The following FILIP1L variants were observed in gnomAD, a reference collection of about 807,000 sequenced individuals.
FILIP1L encodes filamin A-interacting protein 1-like.
In FILIP1L, 55 loss-of-function variants were observed where a neutral mutation model predicts 96.6. The observed-to-expected ratio is 0.57, with a 90% confidence interval of 0.46 to 0.71. The LOEUF (loss-of-function observed/expected upper bound fraction) is 0.71. Ranked by LOEUF, FILIP1L falls within the 30% of genes least tolerant of loss-of-function variation. The pLI, the probability that FILIP1L is intolerant of heterozygous loss-of-function variation, is 0.00. For missense variants in FILIP1L, 1,304 were observed against 1,321.2 expected (o/e 0.99, Z 0.20); for synonymous variants, 467 against 473.9 (o/e 0.99, Z 0.19).
chr3:100,010,245 T>C (rs1479580874), intron 1 of FILIP1L: 2 of 465,356 alleles, frequency 4.3e-6, no homozygotes, highest in East Asian at 1.5e-4. Context: ...CAGTATGTTT[T>C]TCCCCCCACA....
At chr3:99,958,992 C>T (rs1296556666) in intron 1 of FILIP1L, among the ~76,000 whole-genome samples, 2 of 151,996 alleles carry the variant, frequency 1.3e-5, no homozygotes, top group Non-Finnish European at 2.9e-5. Flanking sequence ...AATTATCATG[C>T]CTTGGTAACT....
At chr3:100,101,011 A>T (rs1388323082) in intron 1 of FILIP1L, among the ~76,000 whole-genome samples, 1 of 152,168 alleles carries the variant, frequency 6.6e-6, no homozygotes, top group East Asian at 1.9e-4. Context: ...GTGGCATCTC[A>T]CTTGCATGCA....
intron 4 of FILIP1L, among the ~76,000 whole-genome samples, chr3:99,890,812 C>T (rs1472158362): frequency 6.6e-6 from 1 of 151,726 alleles, no homozygotes; most frequent in Non-Finnish European, 1.5e-5. Flanking sequence ...TCTGATTCTG[C>T]CATTTAATGT....
chr3:100,027,156 C>A (rs1199542360), intron 1 of FILIP1L, among the ~76,000 whole-genome samples: 1 of 152,126 alleles, frequency 6.6e-6, no homozygotes, highest in Non-Finnish European at 1.5e-5. Context: ...TCCTTCCTCT[C>A]CACCTTCTCT....
At chr3:100,011,170 G>T (rs1710145357) in intron 1 of FILIP1L, among the ~76,000 whole-genome samples, 1 of 152,086 alleles carries the variant, frequency 6.6e-6, no homozygotes, top group Non-Finnish European at 1.5e-5. Context: ...AATGGTTCTG[G>T]ATCTTTCATT....
intron 1 of FILIP1L, among the ~76,000 whole-genome samples, chr3:100,081,404 C>CAT (rs1268569197): frequency 6.6e-6 from 1 of 152,202 alleles, no homozygotes; most frequent in Non-Finnish European, 1.5e-5. Context: ...AGCCCACTGT[C>CAT]ATACTCTTAA....
At position 99,961,247 on chromosome 3, in the gene FILIP1L, T is replaced by A. The variant is rs140463078; in HGVS notation, c.-10-30217A>T. 4.2e-3 allele frequency among the ~76,000 whole-genome samples: 634 copies of A among 152,332 alleles called. 4 individuals are homozygous for A. The highest frequency in any genetic ancestry group is 0.015 in the African/African-American group (605 of 41,580). On this transcript the variant is annotated intron_variant, in intron 1 of 5. Coordinates refer to ENST00000477258, the MANE Select transcript of FILIP1L (RefSeq NM_001387850.1). ...GATCCGGACTTGCCTCTTGCAGGTG[T>A]TATCCCCTGTGTTGGAATGCTGGGT...
At chr3:100,056,831 C>T (rs993218669) in intron 1 of FILIP1L, among the ~76,000 whole-genome samples, 6 of 151,938 alleles carry the variant, frequency 3.9e-5, no homozygotes, top group African/African-American at 1.2e-4. Context: ...AGTGAAACCC[C>T]GTCTCTACTA....
chr3:100,020,760 C>CTTTTTTTT (rs34665880), intron 1 of FILIP1L, among the ~76,000 whole-genome samples: 21 of 71,008 alleles, frequency 3.0e-4, no homozygotes, highest in East Asian at 1.4e-3. Flanking sequence ...GAATAATTAG[C>CTTTTTTTT]TTTTTTTTTT....
intron 5 of FILIP1L, among the ~76,000 whole-genome samples, chr3:99,841,772 A>T (rs1312158846): frequency 6.6e-6 from 1 of 152,178 alleles, no homozygotes; most frequent in African/African-American, 2.4e-5. Context: ...GCAAATCAAA[A>T]CCACAGTGCA....
intron 1 of FILIP1L, among the ~76,000 whole-genome samples, chr3:99,966,735 T>G (rs888031473): frequency 6.6e-6 from 1 of 152,202 alleles, no homozygotes; most frequent in South Asian, 2.1e-4. Flanking sequence ...TGTGTCAGAT[T>G]TGAAAAATCA....
chr3:99,881,033 G>C (rs1022876797), intron 4 of FILIP1L, among the ~76,000 whole-genome samples: 3 of 152,150 alleles, frequency 2.0e-5, no homozygotes, highest in Non-Finnish European at 2.9e-5. Context: ...ACTACTGCCT[G>C]TTGGCCCCCT....
chr3:99,953,528 C>T (rs534458882), intron 1 of FILIP1L, among the ~76,000 whole-genome samples: 13 of 152,252 alleles, frequency 8.5e-5, no homozygotes, highest in Admixed American at 2.6e-4. Context: ...TTTCATGCCA[C>T]GTTGGACCAT....
At chr3:99,870,027 T>C (rs1353689776) in intron 4 of FILIP1L, among the ~76,000 whole-genome samples, 1 of 152,254 alleles carries the variant, frequency 6.6e-6, no homozygotes, top group Non-Finnish European at 1.5e-5. Context: ...CCTCATTTTC[T>C]TTAGCTAATT....
chr3:99,922,861 C>T (rs1707167479), intron 4 of FILIP1L, among the ~76,000 whole-genome samples: 1 of 152,202 alleles, frequency 6.6e-6, no homozygotes, highest in Non-Finnish European at 1.5e-5. Flanking sequence ...TAAGCTTCTA[C>T]ATTCTTATTT....
chr3:99,955,543 T>C (rs545053507), intron 1 of FILIP1L, among the ~76,000 whole-genome samples: 1 of 152,318 alleles, frequency 6.6e-6, no homozygotes, highest in South Asian at 2.1e-4. Context: ...CCAGCAATGC[T>C]TGAGAACTCT....
In FILIP1L at chr3:99,858,070, C is replaced by A. The variant is rs78246883; in HGVS notation, c.606-7000G>T. On this transcript the variant is annotated intron_variant, in intron 4 of 5. Transcript: ENST00000477258. ...GTTCGTAACCTTTTAGGTCTCATGA[C>A]CCCTTTACACTCAAAAAATTTTGAG... Among the ~76,000 whole-genome samples, 102 of 152,234 alleles carry A rather than the reference C, an allele frequency of 6.7e-4. 1 individual carries two copies. Among genetic ancestry groups the A allele is most frequent in the East Asian group, 5.8e-3 (30 of 5,176 alleles).
Position 100,000,699 on chromosome 3 carries a change from C to T in FILIP1L, c.-10-69669G>A, listed in dbSNP as rs560467313. Reference sequence around the variant, plus strand: ...TATTGCACTCCAACCTGGGCGATAGCGCAAGACTCTGTCTCTTAAAAAAAT... The same window carrying T: ...TATTGCACTCCAACCTGGGCGATAGTGCAAGACTCTGTCTCTTAAAAAAAT... On this transcript the variant is annotated intron_variant, in intron 1 of 5. Coordinates refer to ENST00000477258, the MANE Select transcript of FILIP1L (RefSeq NM_001387850.1). Among the ~76,000 whole-genome samples, 106 of 152,288 alleles carry T rather than the reference C, an allele frequency of 7.0e-4. 1 individual carries two copies. The highest frequency in any genetic ancestry group is 6.8e-3 in the Middle Eastern group (2 of 294).
intron 1 of FILIP1L, among the ~76,000 whole-genome samples, chr3:100,008,568 T>C (rs1026998803): frequency 6.6e-5 from 10 of 152,154 alleles, no homozygotes; most frequent in South Asian, 4.1e-4. Flanking sequence ...ATATAGTCTT[T>C]GACAAAAAGA....
Sources: allele counts gnomAD v4.1 joint callset (sites outside exome capture counted in the v4.1 genomes callset), GRCh38; gene constraint gnomAD v4.1.1; transcripts MANE v1.5; gene names NCBI Gene and HGNC (gene_info 2026-07-23, HGNC 2026-07-21).